The following CNTN4 variants were observed in gnomAD, a reference collection of about 807,000 sequenced individuals.
CNTN4 encodes contactin 4.
In CNTN4, 77 loss-of-function variants were observed where a neutral mutation model predicts 122.5. That is an observed-to-expected ratio of 0.63 (90% CI 0.52 to 0.76). The LOEUF (loss-of-function observed/expected upper bound fraction) is 0.76, where lower values mean the gene tolerates loss of function less well. Among genes scored for constraint, CNTN4 ranks in the 30% least tolerant of loss-of-function variants. The pLI is 0.00. For synonymous variants in CNTN4, 512 were observed against 447.0 expected, an observed-to-expected ratio of 1.15 and a Z score of -1.83; for missense variants, 1,256 against 1,259.1, an observed-to-expected ratio of 1.00 and a Z score of 0.04.
At chr3:2,552,534 A>G (rs987098025) in intron 3 of CNTN4, among the ~76,000 whole-genome samples, 8 of 152,138 alleles carry the variant, frequency 5.3e-5, no homozygotes, top group African/African-American at 1.7e-4. Flanking sequence ...TTGCATGCTA[A>G]TTAAGGAATT....
chr3:2,353,914 AAAAC>A (rs200492581), intron 3 of CNTN4, among the ~76,000 whole-genome samples: 12 of 148,948 alleles, frequency 8.1e-5, no homozygotes, highest in East Asian at 1.9e-4. Context: ...AAACAAAAAC[AAAAC>A]AAACAAACAA....
chr3:2,909,308 AT>A (rs1473734793), intron 12 of CNTN4, among the ~76,000 whole-genome samples: 1 of 152,172 alleles, frequency 6.6e-6, no homozygotes, highest in African/African-American at 2.4e-5. Context: ...TATTGATCAT[AT>A]ACGTACCAGT....
intron 24 of CNTN4, 119 bp from the exon 25 acceptor site, chr3:3,056,001 C>T: frequency 1.4e-6 from 1 of 696,454 alleles, no homozygotes; most frequent in South Asian, 1.8e-5. Context: ...CCATTAAGAC[C>T]TTGATCATCA....
Position 2,866,904 on chromosome 3 carries a change from C to T in CNTN4, c.607C>T (p.His203Tyr). ...TCVVTNTVTN[H>Y]KVLGPPTPLI... ...TGTGGTTACCAATACCGTGACAAAC[C>T]ACAAGGTCCTGGGGCCACCTACACC... Residue 203 changes from histidine to tyrosine, a missense_variant, in exon 8 of 25, where the codon CAC becomes TAC. His to Tyr is a moderately conservative substitution (Grantham distance 83). Transcript: ENST00000418658. 6.2e-7 allele frequency: 1 copy of T among 1,613,980 alleles called. No homozygotes were observed. Among genetic ancestry groups the T allele is most frequent in the Non-Finnish European group, 8.5e-7 (1 of 1,179,932 alleles).
chr3:2,421,977 G>A (rs2047636184), intron 3 of CNTN4, among the ~76,000 whole-genome samples: 1 of 151,980 alleles, frequency 6.6e-6, no homozygotes, highest in East Asian at 1.9e-4. Flanking sequence ...AAAAAAATTA[G>A]TGTACCTGAT....
chr3:2,233,302 A>G (rs2039558061), intron 2 of CNTN4, among the ~76,000 whole-genome samples: 1 of 152,144 alleles, frequency 6.6e-6, no homozygotes, highest in Admixed American at 6.6e-5. Flanking sequence ...GAGTATTTTA[A>G]TGTCAGTAGA....
At chr3:2,382,564 A>G (rs1442745350) in intron 3 of CNTN4, among the ~76,000 whole-genome samples, 3 of 152,334 alleles carry the variant, frequency 2.0e-5, no homozygotes, top group South Asian at 4.1e-4. Context: ...TCTAGTTCCT[A>G]AAAGGCTTGA....
At chr3:2,903,966 A>G (rs944709222) in intron 12 of CNTN4, among the ~76,000 whole-genome samples, 2 of 149,554 alleles carry the variant, frequency 1.3e-5, no homozygotes, top group Non-Finnish European at 2.9e-5. Context: ...GGATTAATAG[A>G]TTAGGTCAGT....
At chr3:2,800,405 A>C (rs2092319418) in intron 6 of CNTN4, among the ~76,000 whole-genome samples, 1 of 151,934 alleles carries the variant, frequency 6.6e-6, no homozygotes, top group Admixed American at 6.6e-5. Context: ...TTGCTTTCTC[A>C]TTTGTAATCT....
intron 6 of CNTN4, among the ~76,000 whole-genome samples, chr3:2,790,989 A>G (rs1252507159): frequency 6.6e-6 from 1 of 151,010 alleles, no homozygotes; most frequent in Non-Finnish European, 1.5e-5. Flanking sequence ...GCTAGCCTGT[A>G]AACTCTGTGT....
intron 2 of CNTN4, among the ~76,000 whole-genome samples, chr3:2,125,927 G>GTGTGTGTA: frequency 7.4e-6 from 1 of 135,216 alleles, no homozygotes; most frequent in East Asian, 2.2e-4. Flanking sequence ...GTGTGTGTGT[G>GTGTGTGTA]TATGTGTGTA....
intron 4 of CNTN4, among the ~76,000 whole-genome samples, chr3:2,677,207 A>C (rs1193917288): frequency 1.3e-5 from 2 of 150,110 alleles, no homozygotes; most frequent in African/African-American, 4.9e-5. Flanking sequence ...CTCTCTATAT[A>C]TGTATATATA....
intron 4 of CNTN4, among the ~76,000 whole-genome samples, chr3:2,657,538 G>T (rs1457263589): frequency 6.6e-6 from 1 of 152,150 alleles, no homozygotes; most frequent in East Asian, 1.9e-4. Flanking sequence ...AGTTGGATCA[G>T]CTGCATGAAA....
At chr3:2,309,042 T>C (rs1575335629) in intron 2 of CNTN4, among the ~76,000 whole-genome samples, 2 of 152,280 alleles carry the variant, frequency 1.3e-5, no homozygotes, top group South Asian at 4.1e-4. Flanking sequence ...CTTTCCACTA[T>C]TTAAAGAAGG....
At chr3:2,144,709 A>G (rs982345873) in intron 2 of CNTN4, among the ~76,000 whole-genome samples, 7 of 152,232 alleles carry the variant, frequency 4.6e-5, no homozygotes, top group Non-Finnish European at 1.0e-4. Context: ...TGAGAACTCA[A>G]ATATAAACCA....
intron 6 of CNTN4, among the ~76,000 whole-genome samples, chr3:2,771,452 C>T (rs1049556419): frequency 6.6e-6 from 1 of 152,210 alleles, no homozygotes; most frequent in Admixed American, 6.5e-5. Context: ...ACATGGCTAC[C>T]TCTTCTCTCT....
intron 10 of CNTN4, among the ~76,000 whole-genome samples, chr3:2,889,624 T>A (rs1346455841): frequency 2.6e-5 from 4 of 152,210 alleles, no homozygotes; most frequent in Non-Finnish European, 4.4e-5. Context: ...AATATTCAGA[T>A]AATTGGCCAA....
In CNTN4 at chr3:2,808,233, G is replaced by A. The variant is rs2092516595; in HGVS notation, c.359-11253G>A. On this transcript the variant is annotated intron_variant, in intron 6 of 24. Coordinates refer to ENST00000418658, the MANE Select transcript of CNTN4 (RefSeq NM_175607.3). ...ACTGTGGTCCTTATGTCTCCATTTA[G>A]TAATATGTTTCCAAGGCTTTTCTGT... 3.3e-5 allele frequency among the ~76,000 whole-genome samples: 5 copies of A among 152,206 alleles called. No homozygotes were observed. The South Asian group carries it at 1.0e-3, about 32-fold the overall frequency.
chr3:2,457,567 G>A (rs2049046938), intron 3 of CNTN4, among the ~76,000 whole-genome samples: 1 of 152,088 alleles, frequency 6.6e-6, no homozygotes, highest in African/African-American at 2.4e-5. Flanking sequence ...GATGTGTTCT[G>A]ACAATGGTTG....
Sources: allele counts gnomAD v4.1 joint callset (sites outside exome capture counted in the v4.1 genomes callset), GRCh38; gene constraint gnomAD v4.1.1; transcripts MANE v1.5; gene names NCBI Gene and HGNC (gene_info 2026-07-23, HGNC 2026-07-21).